Variants in TBC1D17 observed in about 807,000 individuals in gnomAD.
TBC1D17 encodes TBC1 domain family, member 17.
In TBC1D17, 69 loss-of-function variants were observed where a neutral mutation model predicts 78.8. The observed-to-expected ratio is 0.88, with a 90% CI of 0.72 to 1.07. The LOEUF (loss-of-function observed/expected upper bound fraction) is 1.07, where lower values mean the gene tolerates loss of function less well. TBC1D17 is among the 50% of genes least tolerant of loss of function. The pLI, the probability that TBC1D17 is intolerant of heterozygous loss-of-function variation, is 0.00. For missense variants in TBC1D17, 957 were observed against 861.0 expected (o/e 1.11, Z -1.39); for synonymous variants, 456 against 358.3 (o/e 1.27, Z -3.08).
chr19:49,881,260 C>T lies in TBC1D17; in HGVS notation c.320-8C>T, dbSNP rs528916489. ...CGCGCTTCCCCCAACACAGTGCCGT[C>T]TCCCTAGGTGCAGAGCCCAGCTGCC... On this transcript the variant is annotated splice_region_variant and splice_polypyrimidine_tract_variant and intron_variant, in intron 4 of 16. Coordinates refer to ENST00000221543, the MANE Select transcript of TBC1D17 (RefSeq NM_024682.3). 23 of 1,609,770 alleles carry T rather than the reference C, an allele frequency of 1.4e-5. 1 individual carries two copies. In the South Asian group the frequency reaches 2.0e-4, roughly 14 times the overall value.
At chr19:49,883,437 A>G (rs1033993525) in intron 9 of TBC1D17, among the ~76,000 whole-genome samples, 2 of 152,084 alleles carry the variant, frequency 1.3e-5, no homozygotes, top group African/African-American at 4.8e-5. Flanking sequence ...GGGGGTGACA[A>G]ATTTTCATCA....
At chr19:49,888,369 G>A (rs766412786) in intron 16 of TBC1D17, 52 bp downstream of exon 16, 48 of 285,406 alleles carry the variant, frequency 1.7e-4, no homozygotes, top group African/African-American at 8.5e-4. Context: ...ACCGACCCCC[G>A]CCCCCTTCTC....
At chr19:49,887,607 G>A (rs770886226) in intron 14 of TBC1D17, 34 bp downstream of exon 14, 1 of 1,612,706 alleles carries the variant, frequency 6.2e-7, no homozygotes, top group East Asian at 2.2e-5. Context: ...AGGCCTGAAG[G>A]GGTGGGCTCA....
chr19:49,885,678 A>C (rs2075052993), intron 13 of TBC1D17: 1 of 151,696 alleles, frequency 6.6e-6, no homozygotes, highest in Non-Finnish European at 1.5e-5. Flanking sequence ...AGATTTAAAA[A>C]TTAGCCTGGG....
Position 49,884,773 on chromosome 19 carries a change from A to T in TBC1D17, c.1444+15A>T, listed in dbSNP as rs1223812827. On this transcript the variant is annotated intron_variant, in intron 13 of 16. Transcript: ENST00000221543. ...CGACTTCCTGGGTATGTCTCTCGGG[A>T]GGGTGGGCAGGAGACAATGGGGCCA... 1 of 1,611,434 alleles carries T rather than the reference A, an allele frequency of 6.2e-7. No individual in the cohort carries two copies. Among genetic ancestry groups the T allele is most frequent in the Non-Finnish European group, 8.5e-7 (1 of 1,178,348 alleles).
At chr19:49,878,863 G>C in intron 3 of TBC1D17, 7 of 399,578 alleles carry the variant, frequency 1.8e-5, no homozygotes, top group Non-Finnish European at 3.2e-5. Flanking sequence ...ATGTGGATTC[G>C]AGTTGCTTGA....
chr19:49,878,851 A>G, intron 3 of TBC1D17: 1 of 438,954 alleles, frequency 2.3e-6, no homozygotes, highest in Non-Finnish European at 4.1e-6. Flanking sequence ...CCAGGGTGCA[A>G]GATGTGGATT....
rs375403850 is a variant in TBC1D17, at chr19:49,883,066, C to A, written c.1021C>A (p.Arg341Ser). Residue 341 changes from arginine (R) to serine (S), a missense_variant, in exon 9 of 17, where the codon CGC (arginine) becomes AGC (serine). Coordinates refer to ENST00000221543, the MANE Select transcript of TBC1D17 (RefSeq NM_024682.3). The part of the protein sequence containing the change: ...GTAEEHKAHI[R>S]KKTDEYFRMK... ...AGCTGAGGAGCACAAGGCCCACATA[C>A]GCAAGAAAACGTGAGTTCTCAGGAG... is the stretch of plus-strand genomic sequence containing the variant. 3 of 1,606,640 alleles carry A rather than the reference C, an allele frequency of 1.9e-6. No individual in the cohort carries two copies. The African/African-American group carries it at 4.0e-5, about 21-fold the overall frequency.
rs555590022 is a variant in TBC1D17, at chr19:49,882,597, C to T, written c.799-167C>T. 3.3e-5 allele frequency among the ~76,000 whole-genome samples: 5 copies of T among 152,344 alleles called. No homozygotes were observed. In the East Asian group the frequency reaches 9.7e-4, roughly 29 times the overall value. Reference sequence around the variant, plus strand: ...GCTCACCCTTATTGGGGGACCCCTCCTAACTGGGGGATGACTTGGCTGCTG... The same window carrying T: ...GCTCACCCTTATTGGGGGACCCCTCTTAACTGGGGGATGACTTGGCTGCTG... On this transcript the variant is annotated intron_variant, in intron 7 of 16. Transcript: ENST00000221543.
rs545522321 is a variant in TBC1D17, at chr19:49,881,587, C to T, written c.527+112C>T. The T allele has an allele frequency of 3.5e-5, 37 of 1,071,844 alleles. No individual in the cohort carries two copies. In the East Asian group the frequency reaches 4.4e-4, roughly 13 times the overall value. The allele number at this position is 1,071,844 out of a possible 1,614,324, so 66.4% of individuals were successfully genotyped here. ...CAACTCACACTGATTTAAAGGCAGG[C>T]AAAGAGTTGACCAGCACATATAACT... On this transcript the variant is annotated intron_variant, in intron 5 of 16. Coordinates refer to ENST00000221543, the MANE Select transcript of TBC1D17 (RefSeq NM_024682.3).
chr19:49,883,817 A>G, intron 10 of TBC1D17, 72 bp downstream of exon 10: 1 of 1,342,440 alleles, frequency 7.4e-7, no homozygotes, highest in Non-Finnish European at 1.1e-6. Flanking sequence ...CATAAGTGCG[A>G]GTGGGAGATA....
At position 49,887,678 on chromosome 19, in the gene TBC1D17, G is replaced by C. The variant is rs374543478; in HGVS notation, c.1543-40G>C. 5 of 1,610,930 alleles carry C rather than the reference G, an allele frequency of 3.1e-6. No individual in the cohort carries two copies. In the African/African-American group the frequency reaches 6.7e-5, roughly 22 times the overall value. On this transcript the variant is annotated intron_variant, in intron 14 of 16. Transcript: ENST00000221543. ...CTGGTGGGACCTCAGGCCCAGGCTG[G>C]GCTATGACCTCCCTCCCTCCCTCTG...
chr19:49,883,776 T>C (rs1357767151), intron 10 of TBC1D17, 31 bp downstream of exon 10: 4 of 1,591,046 alleles, frequency 2.5e-6, no homozygotes, highest in African/African-American at 2.7e-5. Flanking sequence ...TTAGGGTGGA[T>C]GGGAGCAGGG....
rs769776857 is a variant in TBC1D17, at chr19:49,884,487, C to T, written c.1272C>T (p.Leu424=). The T allele has an allele frequency of 1.9e-6, 3 of 1,614,194 alleles. No individual in the cohort carries two copies. The highest frequency in any genetic ancestry group is 1.3e-5 in the African/African-American group (1 of 75,058). The stretch of plus-strand genomic sequence containing the variant: ...ACGTCCAGGGCATGAGTGATCTTCT[C>T]TCCCCGATCCTCTACGTCATTCAGA... ...LGYVQGMSDL[L]SPILYVIQNE... Residue 424 remains leucine, a synonymous_variant, in exon 12 of 17, where the codon CTC becomes CTT. Coordinates refer to ENST00000221543, the MANE Select transcript of TBC1D17 (RefSeq NM_024682.3).
At chr19:49,886,028 C>G (rs1369627081) in intron 13 of TBC1D17, among the ~76,000 whole-genome samples, 3 of 146,740 alleles carry the variant, frequency 2.0e-5, no homozygotes. Context: ...CGCCTGTAAT[C>G]CAGCACTTTG....
At chr19:49,887,244 C>T (rs1351158261) in intron 13 of TBC1D17, 3 of 536,516 alleles carry the variant, frequency 5.6e-6, no homozygotes, top group South Asian at 4.0e-5. Flanking sequence ...GTCCTGCCTC[C>T]CTTCCATGTC....
At chr19:49,878,908 G>T in intron 3 of TBC1D17, 1 of 302,312 alleles carries the variant, frequency 3.3e-6, no homozygotes, top group Non-Finnish European at 6.3e-6. Context: ...CCAGAGGACA[G>T]GGCCTGACAG....
Position 49,880,274 on chromosome 19 carries a change from C to G in TBC1D17, c.196-5C>G. 1 of 1,614,002 alleles carries G rather than the reference C, an allele frequency of 6.2e-7. No individual in the cohort carries two copies. The highest frequency in any genetic ancestry group is 8.5e-7 in the Non-Finnish European group (1 of 1,179,928). On this transcript the variant is annotated splice_region_variant and splice_polypyrimidine_tract_variant and intron_variant, in intron 3 of 16. Transcript: ENST00000221543. ...CCTTACTGTCTGCTCCTTTCCTCTC[C>G]TAAGGACTCCAGTGGGGGTGACTCA...
At chr19:49,878,442 G>A in intron 2 of TBC1D17, 56 bp from the exon 3 acceptor site, 2 of 1,535,992 alleles carry the variant, frequency 1.3e-6, no homozygotes, top group South Asian at 2.2e-5. Flanking sequence ...GCAACGGAAA[G>A]TTTTGGGAAT....
Sources: allele counts gnomAD v4.1 joint callset (sites outside exome capture counted in the v4.1 genomes callset), GRCh38; gene constraint gnomAD v4.1.1; transcripts MANE v1.5; gene names NCBI Gene and HGNC (gene_info 2026-07-23, HGNC 2026-07-21).